The following MRPS28 variants were observed in gnomAD, a reference collection of about 807,000 sequenced individuals.
MRPS28 encodes the protein small ribosomal subunit protein bS1m.
In MRPS28, 7 loss-of-function variants were observed where a neutral mutation model predicts 10.8. The ratio of observed to expected loss-of-function variants is 0.65; its 90% CI spans 0.37 to 1.22. The LOEUF is 1.22. Ranked by LOEUF, MRPS28 falls within the 50% of genes most tolerant of loss-of-function variation. The probability of loss-of-function intolerance (pLI) is 0.02; values close to 1 mark genes in which losing one functional copy is unlikely to be tolerated. For missense variants in MRPS28, 265 were observed against 232.9 expected, an observed-to-expected ratio of 1.14 and a Z score of -0.90; for synonymous variants, 121 against 93.3, an observed-to-expected ratio of 1.30 and a Z score of -1.71.
At position 79,939,020 on chromosome 8, in the gene MRPS28, A is replaced by G. The variant is rs1280533485; in HGVS notation, c.396-19872T>C. 3.3e-5 allele frequency among the ~76,000 whole-genome samples: 5 copies of G among 152,216 alleles called. No homozygotes were observed. In the East Asian group the frequency reaches 5.8e-4, roughly 18 times the overall value. On this transcript the variant is annotated intron_variant, in intron 2 of 2. Transcript: ENST00000276585. ...ACAGCTTTGCTTCTAGTTTCTATCA[A>G]TATGCACTAGCAATCAGTTTCAGAG...
chr8:80,020,585 C>A (rs372841050), intron 1 of MRPS28, among the ~76,000 whole-genome samples: 1 of 152,230 alleles, frequency 6.6e-6, no homozygotes, highest in African/African-American at 2.4e-5. Flanking sequence ...TCTGATAGAA[C>A]AGTAGTCTGA....
intron 1 of MRPS28, among the ~76,000 whole-genome samples, chr8:80,023,128 TACA>T (rs1436538603): frequency 6.6e-6 from 1 of 152,186 alleles, no homozygotes; most frequent in Non-Finnish European, 1.5e-5. Flanking sequence ...ATGTGAGACA[TACA>T]ACATTTCAAA....
intron 2 of MRPS28, among the ~76,000 whole-genome samples, chr8:79,992,783 C>T (rs1021076571): frequency 6.6e-6 from 1 of 152,152 alleles, no homozygotes; most frequent in Non-Finnish European, 1.5e-5. Context: ...CATCTGCATA[C>T]TTATTAGCTG....
Position 79,943,050 on chromosome 8 carries a change from T to C in MRPS28, c.396-23902A>G, listed in dbSNP as rs78926360. On this transcript the variant is annotated intron_variant, in intron 2 of 2. Coordinates refer to ENST00000276585, the MANE Select transcript of MRPS28 (RefSeq NM_014018.3). ...AAGATTAAAAGACCACCCCCCAACA[T>C]TGCCTTTTCATACTTCTGTTAAGTT... Among the ~76,000 whole-genome samples the C allele has an allele frequency of 8.6e-3, 1,310 of 152,324 alleles. 18 individuals carry two copies. The highest frequency in any genetic ancestry group is 0.057 in the East Asian group (294 of 5,186).
At chr8:79,927,643 C>CCT (rs1425271848) in intron 2 of MRPS28, among the ~76,000 whole-genome samples, 1 of 152,048 alleles carries the variant, frequency 6.6e-6, no homozygotes, top group East Asian at 1.9e-4. Flanking sequence ...CAGACTATCC[C>CCT]CTCTCCTCTC....
At chr8:80,020,285 T>C (rs1809319430) in intron 1 of MRPS28, among the ~76,000 whole-genome samples, 1 of 152,152 alleles carries the variant, frequency 6.6e-6, no homozygotes, top group Admixed American at 6.5e-5. Context: ...AAAGAGTCAT[T>C]TCTATCACTA....
intron 1 of MRPS28, among the ~76,000 whole-genome samples, chr8:80,019,351 GA>G (rs1373269054): frequency 7.0e-6 from 1 of 142,268 alleles, no homozygotes; most frequent in African/African-American, 2.6e-5. Context: ...ATTAAAAATA[GA>G]AAAAAAATGT....
At chr8:80,029,523 A>G (rs975372749) in intron 1 of MRPS28, among the ~76,000 whole-genome samples, 1 of 152,224 alleles carries the variant, frequency 6.6e-6, no homozygotes, top group African/African-American at 2.4e-5. Context: ...TACAAAAGAG[A>G]GGTGAAGCGC....
rs57397948 is a variant in MRPS28, at chr8:79,944,701, C to CTTTTTTTTTTTT, written c.396-25565_396-25554dup. On this transcript the variant is annotated intron_variant, in intron 2 of 2. Coordinates refer to ENST00000276585, the MANE Select transcript of MRPS28 (RefSeq NM_014018.3). The stretch of plus-strand genomic sequence containing the variant: ...GCCATAATTTTTCTTTTTCTTTTTT[C>CTTTTTTTTTTTT]TTTTTTTTTTTTGAGACAAGGTCTC... 2.7e-4 allele frequency among the ~76,000 whole-genome samples: 37 copies of CTTTTTTTTTTTT among 137,612 alleles called. 1 individual carries two copies. Among genetic ancestry groups the CTTTTTTTTTTTT allele is most frequent in the Admixed American group, 4.4e-4 (6 of 13,638 alleles). 90.3% of individuals were successfully genotyped at this position (137,612 alleles called of 152,430 possible).
intron 2 of MRPS28, among the ~76,000 whole-genome samples, chr8:79,921,925 T>C (rs1586035562): frequency 1.3e-5 from 2 of 152,344 alleles, no homozygotes; most frequent in South Asian, 2.1e-4. Flanking sequence ...GGGTTTGTCA[T>C]AGACAGCTCT....
chr8:80,024,528 T>A (rs1479365745), intron 1 of MRPS28, among the ~76,000 whole-genome samples: 1 of 152,178 alleles, frequency 6.6e-6, no homozygotes, highest in Non-Finnish European at 1.5e-5. Flanking sequence ...GGATAATGTG[T>A]ATGGGCTTAT....
intron 2 of MRPS28, among the ~76,000 whole-genome samples, chr8:79,949,407 C>G (rs941208767): frequency 1.3e-5 from 2 of 149,176 alleles, no homozygotes; most frequent in Non-Finnish European, 3.0e-5. Flanking sequence ...GAGTGAGACT[C>G]CGTCTCAAAA....
At chr8:79,984,621 A>C (rs1808096085) in intron 2 of MRPS28, among the ~76,000 whole-genome samples, 1 of 152,184 alleles carries the variant, frequency 6.6e-6, no homozygotes, top group Non-Finnish European at 1.5e-5. Context: ...CAGGGGTTGC[A>C]ATCCTAGTCT....
intron 2 of MRPS28, among the ~76,000 whole-genome samples, chr8:79,937,667 CA>C (rs1446363740): frequency 6.6e-6 from 1 of 152,146 alleles, no homozygotes; most frequent in African/African-American, 2.4e-5. Context: ...AAATCAAAGA[CA>C]ATGCAGACGT....
At chr8:79,982,708 A>G (rs1335362119) in intron 2 of MRPS28, among the ~76,000 whole-genome samples, 3 of 152,252 alleles carry the variant, frequency 2.0e-5, no homozygotes, top group South Asian at 2.1e-4. Context: ...AGCGAGGCTG[A>G]GGGACGGGCA....
At chr8:80,022,442 C>T (rs1158838774) in intron 1 of MRPS28, among the ~76,000 whole-genome samples, 2 of 152,184 alleles carry the variant, frequency 1.3e-5, no homozygotes, top group Admixed American at 6.5e-5. Flanking sequence ...GTCCCAGTGA[C>T]ACCCAGTTCT....
intron 1 of MRPS28, among the ~76,000 whole-genome samples, chr8:80,025,673 T>A (rs542131321): frequency 1.3e-5 from 2 of 152,292 alleles, no homozygotes; most frequent in South Asian, 4.1e-4. Context: ...ACATACTAAG[T>A]GCTTATTAAG....
chr8:80,021,796 T>C (rs1809372531), intron 1 of MRPS28, among the ~76,000 whole-genome samples: 1 of 152,186 alleles, frequency 6.6e-6, no homozygotes, highest in South Asian at 2.1e-4. Flanking sequence ...ACTTTCTATT[T>C]AAAAATCATT....
chr8:79,931,305 A>G (rs1806454921), intron 2 of MRPS28, among the ~76,000 whole-genome samples: 1 of 152,218 alleles, frequency 6.6e-6, no homozygotes, highest in African/African-American at 2.4e-5. Context: ...TTCCTAAATC[A>G]GTGGTTATGA....
Sources: allele counts gnomAD v4.1 joint callset (sites outside exome capture counted in the v4.1 genomes callset), GRCh38; gene constraint gnomAD v4.1.1; transcripts MANE v1.5; gene names NCBI Gene and HGNC (gene_info 2026-07-23, HGNC 2026-07-21).